Variants in AKAP19 observed in about 807,000 individuals in gnomAD.
AKAP19 encodes small A-kinase anchoring protein.
At chr2:190,180,629 T>TCCGCC in the AKAP19 span, 3 of 985,526 alleles carry the variant, frequency 3.0e-6, no homozygotes, top group African/African-American at 5.2e-5. This position sits in a 1 kb window ranked among gnomAD's most constrained non-coding sequence, Gnocchi z 6.8. Flanking sequence ...CCAGCTCCGC[T>TCCGCC]CCGCCCGCCC....
the AKAP19 span, among the ~76,000 whole-genome samples, chr2:190,151,514 AC>A: frequency 6.6e-6 from 1 of 152,144 alleles, no homozygotes; most frequent in Non-Finnish European, 1.5e-5. Flanking sequence ...TCCAGCTCCA[AC>A]CATTTCCCTG....
chr2:190,081,660 G>GA, the AKAP19 span, among the ~76,000 whole-genome samples: 4 of 151,994 alleles, frequency 2.6e-5, 1 homozygote, highest in Admixed American at 6.6e-5. Context: ...ACCCTTGGGG[G>GA]AAAAATTTAA....
the AKAP19 span, among the ~76,000 whole-genome samples, chr2:189,905,208 A>G: frequency 6.6e-6 from 1 of 151,974 alleles, no homozygotes; most frequent in African/African-American, 2.4e-5. Flanking sequence ...TTTTGAACAT[A>G]GAGACAGCTA....
the AKAP19 span, among the ~76,000 whole-genome samples, chr2:190,139,835 T>C: frequency 3.9e-5 from 6 of 152,138 alleles, no homozygotes; most frequent in African/African-American, 1.4e-4. Flanking sequence ...CAAAACACAA[T>C]CATGCCTTCC....
the AKAP19 span, among the ~76,000 whole-genome samples, chr2:190,078,647 AG>A: frequency 1.3e-5 from 2 of 152,184 alleles, no homozygotes; most frequent in Non-Finnish European, 2.9e-5. Context: ...ATTCAAAATC[AG>A]GATAAGCATG....
At chr2:190,198,990 G>T in the AKAP19 span, among the ~76,000 whole-genome samples, 2 of 152,154 alleles carry the variant, frequency 1.3e-5, no homozygotes, top group Non-Finnish European at 2.9e-5. Flanking sequence ...ATTTCACAGG[G>T]AACAGTCAAT....
chr2:190,200,237 A>ACTAT, the AKAP19 span: 2 of 1,029,998 alleles, frequency 1.9e-6, no homozygotes, highest in East Asian at 2.4e-5. Context: ...AGTACAAATA[A>ACTAT]CTATCTGGAT....
At chr2:190,078,138 C>A in the AKAP19 span, among the ~76,000 whole-genome samples, 4 of 152,286 alleles carry the variant, frequency 2.6e-5, no homozygotes, top group East Asian at 5.8e-4. Context: ...GTCTCCTCAG[C>A]GTTTCCAATT....
the AKAP19 span, among the ~76,000 whole-genome samples, chr2:190,018,802 C>G: frequency 6.6e-6 from 1 of 152,200 alleles, no homozygotes; most frequent in East Asian, 1.9e-4. Flanking sequence ...TAGACCTTCA[C>G]TGTTTCATGT....
the AKAP19 span, among the ~76,000 whole-genome samples, chr2:189,931,169 T>C: frequency 1.3e-5 from 2 of 152,222 alleles, no homozygotes; most frequent in Non-Finnish European, 2.9e-5. Context: ...ATGATGACTC[T>C]TACTTGAAAC....
At chr2:189,955,305 GT>G in the AKAP19 span, among the ~76,000 whole-genome samples, 1 of 151,434 alleles carries the variant, frequency 6.6e-6, no homozygotes, top group African/African-American at 2.4e-5. Context: ...TTTGTTTTTT[GT>G]TTTTTTTGCT....
the AKAP19 span, among the ~76,000 whole-genome samples, chr2:189,891,981 T>C: frequency 6.6e-6 from 1 of 151,922 alleles, no homozygotes; most frequent in Non-Finnish European, 1.5e-5. Context: ...TTTCATTAAG[T>C]TGATTTTCAA....
the AKAP19 span, among the ~76,000 whole-genome samples, chr2:190,166,134 A>G: frequency 6.6e-6 from 1 of 151,878 alleles, no homozygotes. Context: ...TATTATAAGT[A>G]AAAAAGAGAA....
the AKAP19 span, among the ~76,000 whole-genome samples, chr2:189,888,006 G>A: frequency 6.6e-6 from 1 of 152,044 alleles, no homozygotes; most frequent in African/African-American, 2.4e-5. Context: ...ATTGCTTTTG[G>A]TGTTTTAGTC....
At chr2:190,178,959 G>A in the AKAP19 span, among the ~76,000 whole-genome samples, 54 of 152,246 alleles carry the variant, frequency 3.5e-4, no homozygotes, top group South Asian at 1.5e-3. This position sits in a 1 kb window ranked among gnomAD's most constrained non-coding sequence, Gnocchi z 6.3. Context: ...TTAAAGCTGG[G>A]GAAGGAAGAG....
chr2:190,140,269 C>T, the AKAP19 span, among the ~76,000 whole-genome samples: 12 of 152,224 alleles, frequency 7.9e-5, no homozygotes, highest in East Asian at 5.8e-4. Context: ...TCCAGATACA[C>T]GGTGCAAGCT....
the AKAP19 span, among the ~76,000 whole-genome samples, chr2:190,037,113 G>T: frequency 6.6e-6 from 1 of 152,146 alleles, no homozygotes; most frequent in African/African-American, 2.4e-5. Flanking sequence ...CAATGAGAGC[G>T]GAAATGGCTC....
the AKAP19 span, chr2:190,180,741 G>A: frequency 3.0e-6 from 3 of 985,148 alleles, no homozygotes; most frequent in Admixed American, 1.8e-4. The surrounding 1 kb of genome is among the most constrained non-coding windows in gnomAD (Gnocchi z 6.8). Context: ...GAGCGCCCTT[G>A]GGCGGCCATC....
At chr2:189,991,401 A>C in the AKAP19 span, among the ~76,000 whole-genome samples, 1 of 152,216 alleles carries the variant, frequency 6.6e-6, no homozygotes, top group Admixed American at 6.5e-5. Context: ...TGCAAGAGTA[A>C]GGTAGTATCT....
Sources: gnomAD v4.1 joint callset for allele counts (sites outside exome capture counted in the v4.1 genomes callset) on GRCh38, gnomAD v4.1.1 for gene constraint, Gnocchi (gnomAD v3.1) non-coding constraint, MANE v1.5 for transcripts, NCBI Gene and HGNC (gene_info 2026-07-23, HGNC 2026-07-21) for gene names.